The following DIPK1A variants were observed in gnomAD, a reference collection of about 807,000 sequenced individuals.
DIPK1A encodes divergent protein kinase domain 1A.
DIPK1A carries 27 observed loss-of-function variants against 40.8 expected under a neutral mutation model. That is an observed-to-expected ratio of 0.66 (90% CI 0.49 to 0.91). The LOEUF is 0.91. DIPK1A is among the 40% of genes least tolerant of loss of function. The pLI is 0.00. For missense variants in DIPK1A, 412 were observed against 505.7 expected (o/e 0.81, Z 1.78); for synonymous variants, 166 against 171.3 (o/e 0.97, Z 0.24).
chr1:92,937,305 T>TA (rs35938479), intron 1 of DIPK1A, among the ~76,000 whole-genome samples: 1 of 151,198 alleles, frequency 6.6e-6, no homozygotes, highest in African/African-American at 2.4e-5. Flanking sequence ...TAAAAAATAT[T>TA]AAAAAAAAAT....
chr1:92,925,054 T>G (rs976870118), intron 1 of DIPK1A, among the ~76,000 whole-genome samples: 1 of 152,252 alleles, frequency 6.6e-6, no homozygotes, highest in Admixed American at 6.5e-5. Flanking sequence ...CTGTGTCTAT[T>G]GAGATGGCCA....
Position 92,851,542 on chromosome 1 carries a change from CAAAA to C in DIPK1A, c.190-591_190-588del, listed in dbSNP as rs59664439. Among the ~76,000 whole-genome samples, 11 of 34,778 alleles carry C rather than the reference CAAAA, an allele frequency of 3.2e-4. 1 individual carries two copies. Among genetic ancestry groups the C allele is most frequent in the South Asian group, 2.8e-3 (1 of 356 alleles). The allele number at this position is 34,778 out of a possible 152,430, so 22.8% of individuals were successfully genotyped here. A position where few individuals can be genotyped will look rare whatever the true frequency, so the allele number is the denominator to read the frequency against. On this transcript the variant is annotated intron_variant, in intron 2 of 4. Coordinates refer to ENST00000370310, the MANE Select transcript of DIPK1A (RefSeq NM_001006605.5). ...TGGGTGAGAGAGTGAGACCCTATCT[CAAAA>C]AAAAAAAAAAAAAAAACTTCTGGTT...
intron 1 of DIPK1A, among the ~76,000 whole-genome samples, chr1:92,923,412 A>C (rs776536149): frequency 2.6e-5 from 4 of 152,234 alleles, no homozygotes; most frequent in Non-Finnish European, 4.4e-5. Flanking sequence ...CTAGGATTAC[A>C]GGCATGAGCC....
At chr1:92,840,342 G>A (rs1687305056), downstream of DIPK1A, 2 of 522,236 alleles carry the variant, frequency 3.8e-6, no homozygotes, top group South Asian at 2.0e-5. Context: ...ATGGAGTTCT[G>A]TAGTGATAAT....
chr1:92,846,845 GTGTATATATATA>G (rs1387264575), intron 4 of DIPK1A, among the ~76,000 whole-genome samples: 11 of 306 alleles, frequency 0.036, no homozygotes, highest in South Asian at 0.25. Context: ...ATATATATGT[GTGTATATATATA>G]TGTGTGTATA....
intron 2 of DIPK1A, 47 bp downstream of exon 2, chr1:92,876,249 G>C (rs780409733): frequency 3.3e-6 from 4 of 1,213,302 alleles, no homozygotes; most frequent in Non-Finnish European, 4.5e-6. Flanking sequence ...AGTAAATATA[G>C]TGTTATGAAG....
rs182649621 is a variant in DIPK1A at position 92,891,723 on chromosome 1, G to A, written c.55-15293C>T. 4.6e-5 allele frequency among the ~76,000 whole-genome samples: 7 copies of A among 152,150 alleles called. No homozygotes were observed. In the South Asian group the frequency reaches 1.0e-3, roughly 22 times the overall value. Reference sequence around the variant, plus strand: ...AGCAGGGTGAGGCATTGCCTCACCCGGGAAGAGGAAGGGGTCAGGGAATTC... The same window carrying A: ...AGCAGGGTGAGGCATTGCCTCACCCAGGAAGAGGAAGGGGTCAGGGAATTC... On this transcript the variant is annotated intron_variant, in intron 1 of 4. Coordinates refer to ENST00000370310, the MANE Select transcript of DIPK1A (RefSeq NM_001006605.5).
chr1:92,931,787 CA>C, intron 1 of DIPK1A: 1 of 164,148 alleles, frequency 6.1e-6, no homozygotes, highest in Non-Finnish European at 1.3e-5. Flanking sequence ...TCAGGGAAGC[CA>C]AAAGCATGCA....
chr1:92,876,963 G>C (rs1158100640), intron 1 of DIPK1A: 3 of 984,672 alleles, frequency 3.0e-6, no homozygotes, highest in South Asian at 9.4e-5. Flanking sequence ...GTATTCACCA[G>C]GGCTTTATGT....
intron 1 of DIPK1A, among the ~76,000 whole-genome samples, chr1:92,915,049 C>A (rs554146302): frequency 1.0e-4 from 14 of 138,482 alleles, no homozygotes; most frequent in Non-Finnish European, 1.8e-4. Context: ...GATGGCACCA[C>A]TGCACTTCAG....
intron 1 of DIPK1A, among the ~76,000 whole-genome samples, chr1:92,880,891 AAAC>A (rs1648338254): frequency 7.1e-6 from 1 of 141,574 alleles, no homozygotes; most frequent in African/African-American, 2.7e-5. Context: ...ACAAACAAAC[AAAC>A]AAAAAAACTA....
chr1:92,934,982 G>A lies in DIPK1A; in HGVS notation c.54+26394C>T, dbSNP rs79022999. 3.0e-3 allele frequency among the ~76,000 whole-genome samples: 454 copies of A among 152,292 alleles called. 3 individuals are homozygous for A. The highest frequency in any genetic ancestry group is 5.0e-3 in the Admixed American group (76 of 15,294). On this transcript the variant is annotated intron_variant, in intron 1 of 4. Transcript: ENST00000370310. ...ATCATTTTCATGTCCAAAGACTTCT[G>A]ACAACAAATGTGCTCTGCCTGACTT...
intron 3 of DIPK1A, among the ~76,000 whole-genome samples, chr1:92,849,259 A>G (rs370279571): frequency 5.3e-5 from 8 of 151,548 alleles, no homozygotes; most frequent in South Asian, 2.1e-4. Context: ...TTGTTTGTTT[A>G]TTTATTTATT....
At chr1:92,835,835 A>G (rs776851471) in intron 4 of DIPK1A, among the ~76,000 whole-genome samples, 1 of 152,186 alleles carries the variant, frequency 6.6e-6, no homozygotes, top group African/African-American at 2.4e-5. Context: ...ATGTGCAGCA[A>G]GGTTGATGAC....
chr1:92,886,302 G>A (rs1037343012), intron 1 of DIPK1A, among the ~76,000 whole-genome samples: 1 of 151,996 alleles, frequency 6.6e-6, no homozygotes, highest in African/African-American at 2.4e-5. Flanking sequence ...CTGTACTCCA[G>A]CTTGGGCGAC....
intron 1 of DIPK1A, among the ~76,000 whole-genome samples, chr1:92,892,242 C>G (rs1364684267): frequency 6.6e-6 from 1 of 152,116 alleles, no homozygotes. Flanking sequence ...AGTAGCCTAA[C>G]TGGGAGGCAC....
chr1:92,953,291 C>T (rs1286036505), intron 1 of DIPK1A, among the ~76,000 whole-genome samples: 7 of 147,728 alleles, frequency 4.7e-5, no homozygotes, highest in African/African-American at 1.7e-4. Context: ...AAAATTGAAA[C>T]CCTTGTGTAT....
downstream of DIPK1A, chr1:92,840,984 A>G (rs1368944410): frequency 1.5e-5 from 6 of 410,354 alleles, no homozygotes; most frequent in Non-Finnish European, 2.8e-5. Flanking sequence ...GATGGCCCAC[A>G]AATACAATGT....
chr1:92,843,161 C>G lies in DIPK1A; in HGVS notation c.*222G>C. Reference sequence around the variant, plus strand: ...AAATAGTTACACAATGAATGTACTTCGGAGATGTAACAGGGCTTCTAAAAG... The same window carrying G: ...AAATAGTTACACAATGAATGTACTTGGGAGATGTAACAGGGCTTCTAAAAG... On this transcript the variant is annotated 3_prime_UTR_variant, in exon 5 of 5. Coordinates refer to ENST00000370310, the MANE Select transcript of DIPK1A (RefSeq NM_001006605.5). 7.8e-7 allele frequency: 1 copy of G among 1,279,806 alleles called. No homozygotes were observed. Among genetic ancestry groups the G allele is most frequent in the Non-Finnish European group, 9.9e-7 (1 of 1,008,666 alleles). 79.3% of individuals were successfully genotyped at this position (1,279,806 alleles called of 1,614,324 possible).
Sources: gnomAD v4.1 joint callset for allele counts (sites outside exome capture counted in the v4.1 genomes callset) on GRCh38, gnomAD v4.1.1 for gene constraint, MANE v1.5 for transcripts, NCBI Gene and HGNC (gene_info 2026-07-23, HGNC 2026-07-21) for gene names.